CSRNP2: variants seen among roughly 807,000 people sequenced by gnomAD.
The protein encoded by CSRNP2 is cysteine and serine rich nuclear protein 2.
Under a neutral mutation model 36.6 loss-of-function variants are expected in CSRNP2, and 11 were observed. The observed-to-expected ratio is 0.30, with a 90% CI of 0.19 to 0.50. The LOEUF is 0.50. CSRNP2 is among the 20% of genes least tolerant of loss of function. The probability of loss-of-function intolerance (pLI) is 0.98; values close to 1 mark genes in which losing one functional copy is unlikely to be tolerated. For synonymous variants in CSRNP2, 248 were observed against 275.3 expected, an observed-to-expected ratio of 0.90 and a Z score of 0.98; for missense variants, 483 against 691.4, an observed-to-expected ratio of 0.70 and a Z score of 3.38.
intron 3 of CSRNP2, among the ~76,000 whole-genome samples, chr12:51,069,558 AT>A (rs1232965754): frequency 6.6e-6 from 1 of 150,676 alleles, no homozygotes; most frequent in Non-Finnish European, 1.5e-5. Flanking sequence ...AAGTGCTATA[AT>A]TACAGGCCTG....
intron 2 of CSRNP2, 73 bp downstream of exon 2, chr12:51,076,338 G>A (rs1423361733): frequency 1.1e-5 from 16 of 1,514,578 alleles, no homozygotes; most frequent in Middle Eastern, 4.3e-4. Flanking sequence ...CCACACAGAC[G>A]CTGTCTCGAG....
rs1417882024 is a variant in CSRNP2 at position 51,067,909 on chromosome 12, A to G, written c.472T>C (p.Ser158Pro). Reference protein sequence around the residue: ...EADGLTLDDVSDEDIDVENVE... With the variant: ...EADGLTLDDVPDEDIDVENVE... ...TTTTCCACATCAATATCTTCATCTG[A>G]CACATCATCCAGCGTCAGGCCATCA... Residue 158 changes from serine to proline, a missense_variant, in exon 4 of 5, where the codon TCA (serine) becomes CCA (proline). Ser to Pro is a moderately conservative substitution (Grantham distance 74). This residue lies in a region of CSRNP2 where 206 missense variants were observed against 367.8 expected (regional missense o/e 0.56). Transcript: ENST00000228515. The surrounding 1 kb of genome is among the most constrained non-coding windows in gnomAD (Gnocchi z 4.1). 6.2e-7 allele frequency: 1 copy of G among 1,613,988 alleles called. No homozygotes were observed. The highest frequency in any genetic ancestry group is 1.3e-5 in the African/African-American group (1 of 74,888).
chr12:51,068,026 G>T, intron 3 of CSRNP2, 57 bp from the exon 4 acceptor site: 1 of 1,527,202 alleles, frequency 6.5e-7, no homozygotes, highest in Non-Finnish European at 9.0e-7. Context: ...CACCTCCTCA[G>T]TGACCATCCC....
intron 3 of CSRNP2, 71 bp from the exon 4 acceptor site, chr12:51,068,040 G>A (rs1211116334): frequency 4.2e-6 from 6 of 1,433,430 alleles, no homozygotes; most frequent in Non-Finnish European, 5.8e-6. Context: ...CCATCCCAGA[G>A]CAGCACTGTC....
rs957699223 is a variant in CSRNP2, at chr12:51,062,368, C to T, written c.*1378G>A. 4 of 152,186 alleles carry T rather than the reference C, an allele frequency of 2.6e-5. No individual in the cohort carries two copies. The highest frequency in any genetic ancestry group is 1.3e-4 in the Admixed American group (2 of 15,280). 9.4% of individuals were successfully genotyped at this position (152,186 alleles called of 1,614,324 possible). ...GAAGAATAGTTTTGCTCCCTACTGC[C>T]TCCATTTTAGAACAGAGACAAAGAT... On this transcript the variant is annotated 3_prime_UTR_variant, in exon 5 of 5. Transcript: ENST00000228515.
At chr12:51,066,996 A>G (rs1443219764) in intron 4 of CSRNP2, among the ~76,000 whole-genome samples, 1 of 141,942 alleles carries the variant, frequency 7.0e-6, no homozygotes, top group Non-Finnish European at 1.5e-5. Flanking sequence ...TGTCCAGCTA[A>G]TTTTTGTATT....
intron 3 of CSRNP2, among the ~76,000 whole-genome samples, chr12:51,073,589 G>A (rs112933073): frequency 4.6e-5 from 7 of 151,492 alleles, no homozygotes; most frequent in South Asian, 2.1e-4. Flanking sequence ...AAAACAAGAC[G>A]GATGCACACC....
At position 51,064,546 on chromosome 12, in the gene CSRNP2, G is replaced by A. The variant is rs1367048610; in HGVS notation, c.832C>T (p.Leu278=). ...HYLHTIMKLE[L]ESKRQVSRPA... is the part of the protein sequence containing the mutation. ...CGGCTCACCTGCCGCTTGCTCTCCA[G>A]CTCCAGCTTCATAATGGTGTGGAGG... The change falls in exon 5 of 5, where the codon CTG becomes TTG. Residue 278 remains leucine (L), a synonymous_variant. Coordinates refer to ENST00000228515, the MANE Select transcript of CSRNP2 (RefSeq NM_030809.3). 3 of 1,613,498 alleles carry A rather than the reference G, an allele frequency of 1.9e-6. No homozygotes were observed. The highest frequency in any genetic ancestry group is 1.1e-5 in the South Asian group (1 of 90,990).
intron 1 of CSRNP2, among the ~76,000 whole-genome samples, chr12:51,081,994 TCTTCA>T (rs977069310): frequency 6.6e-6 from 1 of 152,252 alleles, no homozygotes; most frequent in Non-Finnish European, 1.5e-5. Context: ...GGAGAAAGCC[TCTTCA>T]CTTGACTGGA....
rs1244161953 is a variant in CSRNP2, at chr12:51,061,671, C to CAT, written c.*2073_*2074dup. 5.9e-5 allele frequency: 9 copies of CAT among 152,318 alleles called. No homozygotes were observed. Among genetic ancestry groups the CAT allele is most frequent in the African/African-American group, 2.2e-4 (9 of 41,452 alleles). The allele number at this position is 152,318 out of a possible 1,614,324, so 9.4% of individuals were successfully genotyped here. On this transcript the variant is annotated 3_prime_UTR_variant, in exon 5 of 5. Transcript: ENST00000228515. ...TTAAGAAACTACAGGTTTTCAGAAA[C>CAT]ATATCTTGTGGGTTGGCAATGAGCT...
chr12:51,066,937 C>T (rs988347063), intron 4 of CSRNP2, among the ~76,000 whole-genome samples: 1 of 150,476 alleles, frequency 6.6e-6, no homozygotes, highest in South Asian at 2.2e-4. Context: ...AGTGATCCTC[C>T]TCCCATCTCA....
At chr12:51,078,576 C>A (rs1435276716) in intron 1 of CSRNP2, among the ~76,000 whole-genome samples, 1 of 152,020 alleles carries the variant, frequency 6.6e-6, no homozygotes, top group Non-Finnish European at 1.5e-5. Context: ...TTAAAGATAC[C>A]GATCAACAAG....
At chr12:51,079,981 G>A (rs1213857664) in intron 1 of CSRNP2, among the ~76,000 whole-genome samples, 3 of 146,170 alleles carry the variant, frequency 2.1e-5, no homozygotes, top group Admixed American at 7.0e-5. Flanking sequence ...GCTGAGGCAG[G>A]AGAATCGCTT....
chr12:51,070,961 C>T (rs1337860924), intron 3 of CSRNP2, among the ~76,000 whole-genome samples: 4 of 152,050 alleles, frequency 2.6e-5, no homozygotes, highest in Non-Finnish European at 5.9e-5. Context: ...CAGAACAAGA[C>T]CCCATCTCTA....
At chr12:51,064,690 T>TG in intron 4 of CSRNP2, 21 bp from the exon 5 acceptor site, 1 of 1,497,052 alleles carries the variant, frequency 6.7e-7, no homozygotes. Context: ...ACAAGAAGGT[T>TG]GGGGCAAGAT....
At chr12:51,077,028 C>A (rs1939428619) in intron 1 of CSRNP2, among the ~76,000 whole-genome samples, 1 of 130,126 alleles carries the variant, frequency 7.7e-6, no homozygotes, top group Non-Finnish European at 1.6e-5. Flanking sequence ...ATTATCACTG[C>A]TGCTTGTTTG....
chr12:51,066,640 C>CA (rs11432305), intron 4 of CSRNP2, among the ~76,000 whole-genome samples: 131,252 of 145,384 alleles, frequency 0.9, 59,280 homozygotes, highest in East Asian at 0.98. Flanking sequence ...GACTCCGTCT[C>CA]AAAAAAAAAA....
At chr12:51,080,556 A>G (rs1939599693) in intron 1 of CSRNP2, among the ~76,000 whole-genome samples, 1 of 152,174 alleles carries the variant, frequency 6.6e-6, no homozygotes, top group African/African-American at 2.4e-5. Flanking sequence ...GGAGAAAAGT[A>G]TTTTCCTTAA....
rs146933612 is a variant in CSRNP2 at position 51,064,374 on chromosome 12, C to T, written c.1004G>A (p.Arg335Gln). The T allele has an allele frequency of 1.6e-5, 26 of 1,614,090 alleles. No homozygotes were observed. The highest frequency in any genetic ancestry group is 2.1e-5 in the Non-Finnish European group (25 of 1,180,054). ...MHLQSAEELE[R>Q]LKAEEDSSGS... is the part of the protein sequence containing the mutation. ...GCTGGAATCTTCTTCTGCCTTGAGCCGCTCCAGTTCCTCTGCACTCTGCAG... is the reference window on the plus strand; with the variant it reads ...GCTGGAATCTTCTTCTGCCTTGAGCTGCTCCAGTTCCTCTGCACTCTGCAG... The change falls in exon 5 of 5, where the codon CGG becomes CAG. Residue 335 changes from arginine (R) to glutamine (Q), a missense_variant. Around this residue, in one of 2 missense-constraint regions of CSRNP2, gnomAD observed 277 missense variants for 323.6 expected, o/e 0.86. Transcript: ENST00000228515.
Sources: allele counts gnomAD v4.1 joint callset (sites outside exome capture counted in the v4.1 genomes callset), GRCh38; gene constraint gnomAD v4.1.1; regional missense constraint gnomAD v4.1.1; non-coding constraint Gnocchi (gnomAD v3.1); transcripts MANE v1.5; gene names NCBI Gene and HGNC (gene_info 2026-07-23, HGNC 2026-07-21).